DOCK2: variants seen among roughly 807,000 people sequenced by gnomAD.
The protein encoded by DOCK2 is dedicator of cytokinesis 2.
DOCK2 carries 87 observed loss-of-function variants against 248.9 expected under a neutral mutation model. The ratio of observed to expected loss-of-function variants is 0.35; its 90% CI spans 0.29 to 0.42. The LOEUF (loss-of-function observed/expected upper bound fraction) is 0.42, where lower values mean the gene tolerates loss of function less well. Among genes scored for constraint, DOCK2 ranks in the 10% least tolerant of loss-of-function variants. The pLI is 1.00. For synonymous variants in DOCK2, 805 were observed against 821.6 expected (o/e 0.98, Z 0.35); for missense variants, 1,747 against 2,300.2 (o/e 0.76, Z 4.92).
At chr5:169,859,958 C>CTT (rs759586059) in intron 27 of DOCK2, among the ~76,000 whole-genome samples, 106 of 107,142 alleles carry the variant, frequency 9.9e-4, no homozygotes, top group Non-Finnish European at 1.2e-3. Flanking sequence ...GTGGATCCTT[C>CTT]TTTTTTTTTT....
chr5:169,908,507 T>G (rs1367048368), intron 27 of DOCK2, among the ~76,000 whole-genome samples: 2 of 152,022 alleles, frequency 1.3e-5, no homozygotes, highest in Non-Finnish European at 2.9e-5. Context: ...AATAGAGAAA[T>G]GAACACAAAT....
intron 27 of DOCK2, among the ~76,000 whole-genome samples, chr5:169,942,490 G>A (rs1021378650): frequency 6.6e-5 from 10 of 152,154 alleles, no homozygotes; most frequent in African/African-American, 2.2e-4. Flanking sequence ...TGAGGTATTG[G>A]GAAATTATCA....
rs183591969 is a variant in DOCK2, at chr5:169,860,006, C to T, written c.2799+19154C>T. On this transcript the variant is annotated intron_variant, in intron 27 of 51. Transcript: ENST00000520908. Reference sequence around the variant, plus strand: ...TTTTTTTTGAGACAGACTATTGCTCCGTCACCTAGGTTGGAGTGCAGTGGC... The same window carrying T: ...TTTTTTTTGAGACAGACTATTGCTCTGTCACCTAGGTTGGAGTGCAGTGGC... Among the ~76,000 whole-genome samples, 147 of 144,214 alleles carry T rather than the reference C, an allele frequency of 1.0e-3. 2 individuals carry two copies. The highest frequency in any genetic ancestry group is 1.8e-3 in the Non-Finnish European group (123 of 66,686). 94.6% of individuals were successfully genotyped at this position (144,214 alleles called of 152,430 possible). A position where few individuals can be genotyped will look rare whatever the true frequency, so the allele number is the denominator to read the frequency against.
At position 170,069,133 on chromosome 5, in the gene DOCK2, C is replaced by A; in HGVS notation, c.4645-4C>A. 1 of 1,613,454 alleles carries A rather than the reference C, an allele frequency of 6.2e-7. No individual in the cohort carries two copies. Among genetic ancestry groups the A allele is most frequent in the South Asian group, 1.1e-5 (1 of 90,872 alleles). ...AACCCTGACCTCCTATCTGTCCTCC[C>A]CAGGCCTTCTTCACTGAAGAGTATG... On this transcript the variant is annotated splice_region_variant and splice_polypyrimidine_tract_variant and intron_variant, in intron 45 of 51. Coordinates refer to ENST00000520908, the MANE Select transcript of DOCK2 (RefSeq NM_004946.3).
At chr5:169,730,700 A>G (rs1762724140) in intron 22 of DOCK2, among the ~76,000 whole-genome samples, 1 of 152,162 alleles carries the variant, frequency 6.6e-6, no homozygotes, top group South Asian at 2.1e-4. Flanking sequence ...GTTTCCTCAA[A>G]TCAGTGAACA....
At position 170,067,594 on chromosome 5, in the gene DOCK2, A is replaced by T. The variant is rs1479421799; in HGVS notation, c.4552A>T (p.Ser1518Cys). Reference sequence around the variant, plus strand: ...CCTGATGATGATAAACCAGTACCAGAGTGATGAGACCCTCCCCATCAACCC... The same window carrying T: ...CCTGATGATGATAAACCAGTACCAGTGTGATGAGACCCTCCCCATCAACCC... ...KILMMINQYQ[S>C]DETLPINPLS... The change falls in exon 45 of 52, where the codon AGT becomes TGT. Residue 1518 changes from serine to cysteine, a missense_variant. By Grantham distance (112) the Ser-to-Cys change is moderately radical. Transcript: ENST00000520908. 5 of 1,614,154 alleles carry T rather than the reference A, an allele frequency of 3.1e-6. No homozygotes were observed. Among genetic ancestry groups the T allele is most frequent in the Non-Finnish European group, 4.2e-6 (5 of 1,180,002 alleles).
chr5:169,835,700 AG>A (rs1010307727), intron 26 of DOCK2, among the ~76,000 whole-genome samples: 3 of 152,186 alleles, frequency 2.0e-5, no homozygotes, highest in Non-Finnish European at 4.4e-5. Context: ...GAGGTACAAA[AG>A]TTCCTCTGGC....
chr5:169,675,917 C>T (rs571581199), intron 6 of DOCK2, among the ~76,000 whole-genome samples: 5 of 152,294 alleles, frequency 3.3e-5, no homozygotes, highest in Admixed American at 6.5e-5. Flanking sequence ...ATCTGGCAAG[C>T]GTGTCCAAAT....
Position 169,764,681 on chromosome 5 carries a change from C to T in DOCK2, c.2554+3056C>T, listed in dbSNP as rs906373798. ...TTGTTTTTCCTGCTGATCCCAATTT[C>T]CGTGCTGACCTTTAAATTCCTTGCA... On this transcript the variant is annotated intron_variant, in intron 25 of 51. Transcript: ENST00000520908. The surrounding 1 kb of genome is among the most constrained non-coding windows in gnomAD (Gnocchi z 4.3). Among the ~76,000 whole-genome samples, 1 of 152,198 alleles carries T rather than the reference C, an allele frequency of 6.6e-6. No individual in the cohort carries two copies. Among genetic ancestry groups the T allele is most frequent in the Non-Finnish European group, 1.5e-5 (1 of 68,040 alleles).
chr5:169,849,181 C>T (rs1335526617), intron 27 of DOCK2, among the ~76,000 whole-genome samples: 2 of 152,204 alleles, frequency 1.3e-5, no homozygotes, highest in African/African-American at 4.8e-5. Context: ...TATAATAAAG[C>T]TATCATTTAA....
chr5:170,002,472 G>T (rs920155958), intron 30 of DOCK2, among the ~76,000 whole-genome samples: 1 of 152,160 alleles, frequency 6.6e-6, no homozygotes, highest in East Asian at 1.9e-4. Context: ...AATTCTGAAA[G>T]GCTATCCAAG....
chr5:170,013,621 A>T lies in DOCK2; in HGVS notation c.3232+4875A>T, dbSNP rs544303532. 3.9e-5 allele frequency among the ~76,000 whole-genome samples: 6 copies of T among 152,210 alleles called. No individual in the cohort carries two copies. In the South Asian group the frequency reaches 1.2e-3, roughly 32 times the overall value. On this transcript the variant is annotated intron_variant, in intron 32 of 51. Coordinates refer to ENST00000520908, the MANE Select transcript of DOCK2 (RefSeq NM_004946.3). ...GAAGCTGGGGAAGGCAAGGAAATAGATTAATCCTTAGATCCTCCAGAAGGA... is the reference window on the plus strand; with the variant it reads ...GAAGCTGGGGAAGGCAAGGAAATAGTTTAATCCTTAGATCCTCCAGAAGGA...
intron 19 of DOCK2, 130 bp downstream of exon 19, chr5:169,714,587 C>G: frequency 1.1e-6 from 1 of 936,344 alleles, no homozygotes; most frequent in East Asian, 2.7e-5. Context: ...GATACACTCT[C>G]CCGAGTTGCC....
chr5:170,067,910 G>A (rs889913321), intron 45 of DOCK2, among the ~76,000 whole-genome samples: 6 of 152,170 alleles, frequency 3.9e-5, no homozygotes, highest in African/African-American at 7.2e-5. Context: ...CTGGGGCAGG[G>A]AGGGGCAGGA....
intron 44 of DOCK2, among the ~76,000 whole-genome samples, chr5:170,060,511 C>T (rs7737863): frequency 0.038 from 5,859 of 152,278 alleles, 185 homozygotes; most frequent in African/African-American, 0.079. Flanking sequence ...CCTCCGCCAG[C>T]CTGGTTTGGC....
chr5:169,862,049 C>G (rs775896185), intron 27 of DOCK2, among the ~76,000 whole-genome samples: 97 of 151,838 alleles, frequency 6.4e-4, no homozygotes, highest in Non-Finnish European at 1.2e-3. Flanking sequence ...TATCTATGAC[C>G]ACATCAGCTT....
chr5:169,729,328 T>A (rs1321765009), intron 22 of DOCK2, among the ~76,000 whole-genome samples: 1 of 152,224 alleles, frequency 6.6e-6, no homozygotes. Flanking sequence ...AAGGAGAATT[T>A]GTTTCCTTAG....
intron 41 of DOCK2, 143 bp from the exon 42 acceptor site, chr5:170,055,162 G>T: frequency 2.8e-6 from 2 of 702,292 alleles, no homozygotes; most frequent in Non-Finnish European, 4.9e-6. Context: ...AGTGCCTAGT[G>T]GGCAGCCAGC....
intron 29 of DOCK2, among the ~76,000 whole-genome samples, chr5:169,992,278 C>A (rs920808995): frequency 2.0e-5 from 3 of 152,188 alleles, no homozygotes; most frequent in Non-Finnish European, 4.4e-5. Flanking sequence ...CAGTTGAAAA[C>A]CATGGTTGGG....
Sources: gnomAD v4.1 joint callset for allele counts (sites outside exome capture counted in the v4.1 genomes callset) on GRCh38, gnomAD v4.1.1 for gene constraint, Gnocchi (gnomAD v3.1) non-coding constraint, MANE v1.5 for transcripts, NCBI Gene and HGNC (gene_info 2026-07-23, HGNC 2026-07-21) for gene names.